The following IQSEC1 variants were observed in gnomAD, a reference collection of about 807,000 sequenced individuals.
The protein encoded by IQSEC1 is IQ motif and SEC7 domain-containing protein 1.
A neutral mutation model predicts 91.0 loss-of-function variants in IQSEC1; 31 were observed. That is an observed-to-expected ratio of 0.34 (90% CI 0.26 to 0.46). The LOEUF is 0.46. IQSEC1 is among the 20% of genes least tolerant of loss of function. IQSEC1 has a pLI of 1.00. For synonymous variants in IQSEC1, 699 were observed against 662.6 expected, an observed-to-expected ratio of 1.05 and a Z score of -0.84; for missense variants, 1,388 against 1,575.6, an observed-to-expected ratio of 0.88 and a Z score of 2.02.
chr3:13,263,437 G>A (rs1016661573), intron 1 of IQSEC1, among the ~76,000 whole-genome samples: 28 of 94,144 alleles, frequency 3.0e-4, no homozygotes, highest in Admixed American at 6.7e-4. Flanking sequence ...TGGGGGGGGG[G>A]GGAAAGTACC....
At chr3:13,047,094 C>G (rs530958701) in intron 1 of IQSEC1, among the ~76,000 whole-genome samples, 1 of 152,330 alleles carries the variant, frequency 6.6e-6, no homozygotes, top group Non-Finnish European at 1.5e-5. Flanking sequence ...AGGCTTCTCC[C>G]CTGGGCTGCA....
chr3:13,024,683 T>C (rs1415814812), intron 1 of IQSEC1, among the ~76,000 whole-genome samples: 1 of 148,172 alleles, frequency 6.7e-6, no homozygotes, highest in Non-Finnish European at 1.5e-5. Flanking sequence ...TCCACCCATC[T>C]ATCCATCCAT....
chr3:12,959,269 G>A (rs746448374), intron 1 of IQSEC1, among the ~76,000 whole-genome samples: 2 of 152,226 alleles, frequency 1.3e-5, no homozygotes, highest in Non-Finnish European at 2.9e-5. Flanking sequence ...GAGGGTGGCA[G>A]GGGCGCAGCC....
intron 1 of IQSEC1, among the ~76,000 whole-genome samples, chr3:13,280,749 C>A (rs1695774893): frequency 1.3e-5 from 2 of 152,234 alleles, no homozygotes; most frequent in Admixed American, 1.3e-4. Context: ...TTCCCAGACT[C>A]CTGGTGTACA....
chr3:13,277,942 C>T (rs746789781), intron 1 of IQSEC1, among the ~76,000 whole-genome samples: 5 of 152,130 alleles, frequency 3.3e-5, no homozygotes, highest in African/African-American at 4.8e-5. Flanking sequence ...CAGGGGCTCC[C>T]GGCAGGACCC....
In IQSEC1 at chr3:13,081,002, G is replaced by A. The variant is rs1029958342; in HGVS notation, c.303-33480C>T. 2.0e-5 allele frequency among the ~76,000 whole-genome samples: 3 copies of A among 152,342 alleles called. 1 individual carries two copies. The highest frequency in any genetic ancestry group is 4.1e-4 in the South Asian group (2 of 4,830). On this transcript the variant is annotated intron_variant, in intron 2 of 15. Coordinates refer to the IQSEC1 transcript ENST00000648114. ...TGTTAAGGTAAATGTCCAATATTGG[G>A]AGCTGGCTAAAAATGCAAGGTTTCT...
chr3:12,936,060 C>G lies in IQSEC1; in HGVS notation c.956G>C (p.Arg319Pro), dbSNP rs748215013. The change falls in exon 3 of 14, where the codon CGG (arginine) becomes CCG (proline). Residue 319 changes from arginine to proline, a missense_variant. Physicochemically the swap from Arg to Pro is moderately radical, Grantham distance 103. Coordinates refer to ENST00000613206, the MANE Select transcript of IQSEC1 (RefSeq NM_001134382.3). ...TGGGGCTGCGCCCCCAGCCCGTAGCCGCAGGTCCGACTCGGTGCTGGACGG... is the reference window on the plus strand; with the variant it reads ...TGGGGCTGCGCCCCCAGCCCGTAGCGGCAGGTCCGACTCGGTGCTGGACGG... The part of the protein sequence containing the change: ...DRPSSTESDL[R>P]LRAGGAAPDY... The G allele has an allele frequency of 5.6e-6, 9 of 1,606,584 alleles. No individual in the cohort carries two copies. In the East Asian group the frequency reaches 1.8e-4, roughly 32 times the overall value.
At chr3:13,075,758 G>A (rs142693096), upstream of IQSEC1, among the ~76,000 whole-genome samples, 2 of 152,298 alleles carry the variant, frequency 1.3e-5, no homozygotes, top group East Asian at 3.9e-4. Context: ...CTGCACTGGC[G>A]CGGTTTTGAT....
At chr3:12,923,890 C>G (rs374929747) in intron 4 of IQSEC1, among the ~76,000 whole-genome samples, 1 of 152,242 alleles carries the variant, frequency 6.6e-6, no homozygotes, top group Admixed American at 6.5e-5. Flanking sequence ...CCTGGCCCAC[C>G]CTTCTGGCTC....
chr3:13,019,468 G>A (rs1462983606), intron 1 of IQSEC1, among the ~76,000 whole-genome samples: 2 of 152,242 alleles, frequency 1.3e-5, no homozygotes, highest in Admixed American at 6.5e-5. Context: ...CTGTCCCTGT[G>A]GCCGCCGGCA....
In IQSEC1 at chr3:13,261,127, C is replaced by A. The variant is rs564526975; in HGVS notation, c.272+21584G>T. ...GAAAGATCAGCCTGACCAGCTATAG[C>A]GGACACTGGGGAGGCCGCCCAGGCG... On this transcript the variant is annotated intron_variant, in intron 1 of 15. Coordinates refer to the IQSEC1 transcript ENST00000648114. 3.9e-5 allele frequency among the ~76,000 whole-genome samples: 6 copies of A among 152,334 alleles called. No homozygotes were observed. In the East Asian group the frequency reaches 9.7e-4, roughly 25 times the overall value.
chr3:13,094,931 G>T (rs521547), intron 2 of IQSEC1, among the ~76,000 whole-genome samples: 1 of 152,080 alleles, frequency 6.6e-6, no homozygotes, highest in Admixed American at 6.5e-5. Flanking sequence ...CAGGCCACAC[G>T]CTGAGAGAGG....
chr3:13,067,414 T>TG (rs1705271753), intron 1 of IQSEC1, among the ~76,000 whole-genome samples: 1 of 152,022 alleles, frequency 6.6e-6, no homozygotes, highest in Non-Finnish European at 1.5e-5. Context: ...AGGCATTGGG[T>TG]GGGGGGCTCC....
chr3:12,938,834 T>TGG (rs1027195064), intron 2 of IQSEC1, among the ~76,000 whole-genome samples: 1 of 152,104 alleles, frequency 6.6e-6, no homozygotes, highest in African/African-American at 2.4e-5. Flanking sequence ...CTGTGTGTGT[T>TGG]GGGGGCGAAG....
At position 12,915,351 on chromosome 3, in the gene IQSEC1, G is replaced by A. The variant is rs571042765; in HGVS notation, c.2161-218C>T. On this transcript the variant is annotated intron_variant, in intron 7 of 13. Coordinates refer to ENST00000613206, the MANE Select transcript of IQSEC1 (RefSeq NM_001134382.3). ...GTCGGGTGCCCAGAACTCAGCCACTGCACAACCCTGGCCTGCTAGATCATT... is the reference window on the plus strand; with the variant it reads ...GTCGGGTGCCCAGAACTCAGCCACTACACAACCCTGGCCTGCTAGATCATT... Among the ~76,000 whole-genome samples, 66 of 152,348 alleles carry A rather than the reference G, an allele frequency of 4.3e-4. No homozygotes were observed. The South Asian group carries it at 0.013, about 31-fold the overall frequency.
intron 2 of IQSEC1, among the ~76,000 whole-genome samples, chr3:13,146,675 A>C (rs905308630): frequency 6.6e-6 from 1 of 152,234 alleles, no homozygotes; most frequent in Non-Finnish European, 1.5e-5. Context: ...CTCCGTGTCT[A>C]CTAAAAATAC....
chr3:13,144,253 C>T (rs758639360), intron 2 of IQSEC1, among the ~76,000 whole-genome samples: 1 of 152,288 alleles, frequency 6.6e-6, no homozygotes, highest in South Asian at 2.1e-4. Context: ...CCACGGCCGG[C>T]GAGCATGCAG....
At chr3:13,252,224 G>A (rs1029626792) in intron 1 of IQSEC1, among the ~76,000 whole-genome samples, 1 of 151,912 alleles carries the variant, frequency 6.6e-6, no homozygotes, top group South Asian at 2.1e-4. Flanking sequence ...AGCCCCTGGC[G>A]TCCATCCTTC....
At chr3:12,949,685 T>C (rs1042412130) in intron 1 of IQSEC1, among the ~76,000 whole-genome samples, 1 of 151,886 alleles carries the variant, frequency 6.6e-6, no homozygotes, top group African/African-American at 2.4e-5. Context: ...AGGAAGGGGA[T>C]GGTCTTGTTC....
Sources: gnomAD v4.1 joint callset for allele counts (sites outside exome capture counted in the v4.1 genomes callset) on GRCh38, gnomAD v4.1.1 for gene constraint, MANE v1.5 for transcripts, NCBI Gene and HGNC (gene_info 2026-07-23, HGNC 2026-07-21) for gene names.